UNC13B: variants seen among roughly 807,000 people sequenced by gnomAD.
UNC13B encodes the protein unc-13 homolog B, also known as protein unc-13 homolog B.
Under a neutral mutation model 211.0 loss-of-function variants are expected in UNC13B, and 144 were observed. That is an observed-to-expected ratio of 0.68 (90% CI 0.60 to 0.78). The LOEUF (loss-of-function observed/expected upper bound fraction) is 0.78, where lower values mean the gene tolerates loss of function less well. UNC13B is among the 30% of genes least tolerant of loss of function. UNC13B has a pLI of 0.00. For synonymous variants in UNC13B, 709 were observed against 725.8 expected, an observed-to-expected ratio of 0.98 and a Z score of 0.37; for missense variants, 1,777 against 2,002.0, an observed-to-expected ratio of 0.89 and a Z score of 2.14.
intron 26 of UNC13B, 131 bp from the exon 27 acceptor site, chr9:35,396,345 A>G: frequency 8.9e-7 from 1 of 1,118,444 alleles, no homozygotes; most frequent in Admixed American, 2.3e-5. Context: ...GGCTGTGAGA[A>G]GGAGGTTGGG....
intron 1 of UNC13B, among the ~76,000 whole-genome samples, chr9:35,167,394 G>T (rs1249296301): frequency 6.6e-6 from 1 of 152,036 alleles, no homozygotes. Flanking sequence ...TGCATGGCCC[G>T]AGATAATTCT....
At chr9:35,355,017 G>C (rs978780116) in intron 11 of UNC13B, among the ~76,000 whole-genome samples, 1 of 152,130 alleles carries the variant, frequency 6.6e-6, no homozygotes, top group African/African-American at 2.4e-5. Flanking sequence ...GGAATTACTG[G>C]TTAAATAAAT....
rs1362270744 is a variant in UNC13B at position 35,249,472 on chromosome 9, A to C, written c.468+6108A>C. The stretch of plus-strand genomic sequence containing the variant: ...GCATCGATGGTCCTTACAATTTAGC[A>C]TGTTTTTGCAGTGGCTGGTACCGGT... On this transcript the variant is annotated intron_variant, in intron 6 of 39. Coordinates refer to ENST00000635942, the MANE Select transcript of UNC13B (RefSeq NM_001371189.2). Among the ~76,000 whole-genome samples the C allele has an allele frequency of 2.6e-5, 4 of 152,108 alleles. No individual in the cohort carries two copies. In the East Asian group the frequency reaches 5.8e-4, roughly 22 times the overall value.
At chr9:35,395,544 C>CT (rs1835815120) in intron 26 of UNC13B, among the ~76,000 whole-genome samples, 3 of 152,214 alleles carry the variant, frequency 2.0e-5, no homozygotes, top group African/African-American at 4.8e-5. Flanking sequence ...GGACAGTGGC[C>CT]TTCTCTTCTC....
At chr9:35,182,952 C>T (rs952867109) in intron 1 of UNC13B, among the ~76,000 whole-genome samples, 8 of 152,176 alleles carry the variant, frequency 5.3e-5, no homozygotes, top group East Asian at 1.9e-4. Flanking sequence ...AAACCGCCAT[C>T]GTCATCATGG....
chr9:35,225,620 G>A (rs1255121097), intron 1 of UNC13B, among the ~76,000 whole-genome samples: 1 of 152,062 alleles, frequency 6.6e-6, no homozygotes, highest in Admixed American at 6.6e-5. Context: ...GGGTGCAGTA[G>A]TGTAGTCTCC....
At chr9:35,282,942 T>C (rs1828588599) in intron 7 of UNC13B, among the ~76,000 whole-genome samples, 1 of 152,252 alleles carries the variant, frequency 6.6e-6, no homozygotes, top group South Asian at 2.1e-4. Context: ...CTGTAAATTG[T>C]AGTTGCACAT....
intron 3 of UNC13B, among the ~76,000 whole-genome samples, chr9:35,233,199 T>C (rs1041443882): frequency 2.0e-5 from 3 of 152,232 alleles, no homozygotes; most frequent in Non-Finnish European, 4.4e-5. Flanking sequence ...GGCTATGGTT[T>C]ATAAACCTAG....
At chr9:35,360,454 A>C (rs1199346655) in intron 11 of UNC13B, 1 of 152,220 alleles carries the variant, frequency 6.6e-6, no homozygotes, top group Non-Finnish European at 1.5e-5. Flanking sequence ...GCTTACCCAA[A>C]TAAAATGCCA....
chr9:35,205,192 C>T (rs1363662623), intron 1 of UNC13B, among the ~76,000 whole-genome samples: 1 of 152,144 alleles, frequency 6.6e-6, no homozygotes, highest in African/African-American at 2.4e-5. Flanking sequence ...TTGTAAGCTT[C>T]CTGAGGCTTC....
At chr9:35,368,757 G>T (rs1587712230) in intron 12 of UNC13B, among the ~76,000 whole-genome samples, 1 of 148,364 alleles carries the variant, frequency 6.7e-6, no homozygotes, top group African/African-American at 2.5e-5. Context: ...TTTTAATCAA[G>T]GGTGAATCAT....
chr9:35,319,260 G>A (rs1190040939), intron 11 of UNC13B, among the ~76,000 whole-genome samples: 4 of 151,666 alleles, frequency 2.6e-5, no homozygotes, highest in South Asian at 4.2e-4. Flanking sequence ...AAAATTAGCC[G>A]GGTGTGGTGG....
intron 7 of UNC13B, among the ~76,000 whole-genome samples, chr9:35,262,186 ACCTTCTTT>A (rs1423213631): frequency 6.6e-6 from 1 of 150,998 alleles, no homozygotes; most frequent in African/African-American, 2.4e-5. Context: ...TCTTTAACCT[ACCTTCTTT>A]CCTTCATTCC....
intron 11 of UNC13B, among the ~76,000 whole-genome samples, chr9:35,366,628 T>G (rs1564170111): frequency 6.6e-6 from 1 of 152,202 alleles, no homozygotes; most frequent in Non-Finnish European, 1.5e-5. Flanking sequence ...CCTTCTCCTG[T>G]GCTTGGTTTA....
chr9:35,278,332 C>T (rs560019772), intron 7 of UNC13B, among the ~76,000 whole-genome samples: 11 of 152,226 alleles, frequency 7.2e-5, no homozygotes, highest in Admixed American at 5.2e-4. Context: ...AGTTTTGAGC[C>T]GCTTAAGATT....
At chr9:35,369,559 A>C (rs1438080809) in intron 12 of UNC13B, among the ~76,000 whole-genome samples, 1 of 152,248 alleles carries the variant, frequency 6.6e-6, no homozygotes. Flanking sequence ...AAGGTGTAAA[A>C]GTTTTAGAAA....
At chr9:35,231,077 C>A in intron 2 of UNC13B, 43 bp from the exon 3 acceptor site, 2 of 1,304,916 alleles carry the variant, frequency 1.5e-6, no homozygotes, top group Non-Finnish European at 2.2e-6. Context: ...GGGTAACAAT[C>A]TGAGCACTAA....
At chr9:35,370,425 G>T in intron 13 of UNC13B, 29 bp downstream of exon 13, 1 of 1,609,482 alleles carries the variant, frequency 6.2e-7, no homozygotes. Context: ...GCAGGCATAG[G>T]CAGTAGCCTT....
intron 7 of UNC13B, among the ~76,000 whole-genome samples, chr9:35,286,110 T>A (rs1257713478): frequency 6.6e-6 from 1 of 152,072 alleles, no homozygotes. Flanking sequence ...GAGCTCCTAA[T>A]CTCTTAGAAT....
Sources: gnomAD v4.1 joint callset for allele counts (sites outside exome capture counted in the v4.1 genomes callset) on GRCh38, gnomAD v4.1.1 for gene constraint, MANE v1.5 for transcripts, NCBI Gene and HGNC (gene_info 2026-07-23, HGNC 2026-07-21) for gene names.